The following SSC5D variants were observed in gnomAD, a reference collection of about 807,000 sequenced individuals.
SSC5D encodes the protein scavenger receptor cysteine rich family member with 5 domains, also known as soluble scavenger receptor cysteine-rich domain-containing protein SSC5D.
SSC5D carries 106 observed loss-of-function variants against 104.6 expected under a neutral mutation model. The ratio of observed to expected loss-of-function variants is 1.01; its 90% CI spans 0.87 to 1.19. SSC5D has a LOEUF of 1.19. SSC5D is among the 50% of genes most tolerant of loss of function. SSC5D has a pLI of 0.00. For synonymous variants in SSC5D, 860 were observed against 883.5 expected (o/e 0.97, Z 0.47); for missense variants, 1,993 against 2,153.8 (o/e 0.93, Z 1.48).
At position 55,518,303 on chromosome 19, in the gene SSC5D, A is replaced by G. The variant is rs140923834; in HGVS notation, c.4027A>G (p.Thr1343Ala). 495 of 1,507,562 alleles carry G rather than the reference A, an allele frequency of 3.3e-4. 6 individuals carry two copies. In the East Asian group the frequency reaches 0.013, roughly 41 times the overall value. The allele number at this position is 1,507,562 out of a possible 1,614,324, so 93.4% of individuals were successfully genotyped here. A position where few individuals can be genotyped will look rare whatever the true frequency, so the allele number is the denominator to read the frequency against. The change falls in exon 14 of 14, where the codon ACC becomes GCC. Residue 1343 changes from threonine (T) to alanine (A), a missense_variant. Thr to Ala is a moderately conservative substitution (Grantham distance 58). This residue lies in a region of SSC5D where 349 missense variants were observed against 397.6 expected (regional missense o/e 0.88). Transcript: ENST00000389623. ...TGTCATCACTACTGTGTCCCTTCCA[A>G]CCTCCTTGGGGACAGAACTCTCCTC... ...TPVITTVSLP[T>A]SLGTELSSPT...
At chr19:55,513,646 G>A (rs1987807140) in intron 13 of SSC5D, among the ~76,000 whole-genome samples, 1 of 152,208 alleles carries the variant, frequency 6.6e-6, no homozygotes, top group Non-Finnish European at 1.5e-5. Flanking sequence ...TTGCCCCCAA[G>A]GGGAATTTGG....
rs1421914539 is a variant in SSC5D, at chr19:55,513,026, A to T, written c.2801A>T (p.Tyr934Phe). ...RLPDTGSKDGYKLPWTWDTPS... is the reference protein window; with the variant it reads ...RLPDTGSKDGFKLPWTWDTPS... ...ATCTCTCTAGGCAGCAAAGATGGTT[A>T]CAAGCTTCCCTGGACGTGGGACACA... Residue 934 changes from tyrosine (Y) to phenylalanine (F), a missense_variant, in exon 13 of 14, where the codon TAC becomes TTC. Tyr to Phe is a conservative substitution (Grantham distance 22). This residue lies in a region of SSC5D where 423 missense variants were observed against 409.2 expected (regional missense o/e 1.03). Coordinates refer to ENST00000389623, the MANE Select transcript of SSC5D (RefSeq NM_001144950.2). The T allele has an allele frequency of 5.2e-6, 8 of 1,552,124 alleles. No individual in the cohort carries two copies. In the South Asian group the frequency reaches 9.5e-5, roughly 18 times the overall value.
Position 55,489,510 on chromosome 19 carries a change from C to CG in SSC5D, c.212dup (p.Gly72ArgfsTer55), listed in dbSNP as rs1987067380. 2.0e-6 allele frequency: 3 copies of CG among 1,466,464 alleles called. No homozygotes were observed. The East Asian group carries it at 7.6e-5, about 37-fold the overall frequency. 90.8% of individuals were successfully genotyped at this position (1,466,464 alleles called of 1,614,324 possible). On this transcript the variant is annotated frameshift_variant, in exon 3 of 14. Coordinates refer to ENST00000389623, the MANE Select transcript of SSC5D (RefSeq NM_001144950.2). LOFTEE classifies it high-confidence loss of function. ...GGCTGCGGAGGGGCACTGGCCGCCCCGGGAGGCGCCTTCTTCGGGGAGGGG... is the reference window on the plus strand; with the variant it reads ...GGCTGCGGAGGGGCACTGGCCGCCCCGGGGAGGCGCCTTCTTCGGGGAGGGG...
At chr19:55,493,098 G>GTGGCTCTCAGC (rs1489237929) in intron 6 of SSC5D, among the ~76,000 whole-genome samples, 2 of 152,156 alleles carry the variant, frequency 1.3e-5, no homozygotes, top group Non-Finnish European at 2.9e-5. Context: ...ATCTAGACTA[G>GTGGCTCTCAGC]TGGCTCTCAG....
chr19:55,501,441 T>C (rs973389964), intron 12 of SSC5D, among the ~76,000 whole-genome samples: 2 of 152,182 alleles, frequency 1.3e-5, no homozygotes, highest in African/African-American at 4.8e-5. Flanking sequence ...CCTGAGCCCA[T>C]GGCCCTCCTG....
intron 5 of SSC5D, among the ~76,000 whole-genome samples, 156 bp downstream of exon 5, chr19:55,490,564 G>A (rs556387062): frequency 6.6e-6 from 1 of 152,284 alleles, no homozygotes; most frequent in Non-Finnish European, 1.5e-5. Context: ...TAGACGGCCA[G>A]GCCTGGTCTC....
Position 55,490,935 on chromosome 19 carries a change from T to C in SSC5D, c.750T>C (p.Gly250=), listed in dbSNP as rs1452887973. The change falls in exon 6 of 14, where the codon GGT becomes GGC. Residue 250 remains glycine (G), a synonymous_variant. Coordinates refer to ENST00000389623, the MANE Select transcript of SSC5D (RefSeq NM_001144950.2). ...GCGGALAAPG[G]ARFGPGAGPV... ...GGGGGGCGCTGGCTGCCCCCGGCGG[T>C]GCCAGATTCGGGCCTGGTGCAGGGC... 16 of 1,544,310 alleles carry C rather than the reference T, an allele frequency of 1.0e-5. No homozygotes were observed. The highest frequency in any genetic ancestry group is 1.4e-5 in the Non-Finnish European group (16 of 1,143,730).
intron 12 of SSC5D, chr19:55,504,227 G>A: frequency 6.5e-7 from 1 of 1,530,702 alleles, no homozygotes; most frequent in Non-Finnish European, 8.7e-7. Flanking sequence ...CACGTGCCGG[G>A]CACAGCGGCT....
chr19:55,490,910 G>T lies in SSC5D; in HGVS notation c.725G>T (p.Gly242Val). ...AAVACRELGC[G>V]GALAAPGGAR... ...GTAGCCTGCCGGGAACTGGGCTGTG[G>T]GGGGGCGCTGGCTGCCCCCGGCGGT... Residue 242 changes from glycine (G) to valine (V), a missense_variant, in exon 6 of 14, where the codon GGG becomes GTG. By Grantham distance (109) the Gly-to-Val change is moderately radical (BLOSUM62 -3). This residue lies in a region of SSC5D where 1,101 missense variants were observed against 1,085.0 expected (regional missense o/e 1.01). Coordinates refer to ENST00000389623, the MANE Select transcript of SSC5D (RefSeq NM_001144950.2). 6.5e-7 allele frequency: 1 copy of T among 1,545,110 alleles called. No individual in the cohort carries two copies. Among genetic ancestry groups the T allele is most frequent in the Middle Eastern group, 1.7e-4 (1 of 5,962 alleles).
intron 12 of SSC5D, among the ~76,000 whole-genome samples, chr19:55,511,866 C>G (rs1987763600): frequency 6.6e-6 from 1 of 152,074 alleles, no homozygotes; most frequent in South Asian, 2.1e-4. Flanking sequence ...GCCAGGGTCT[C>G]AGGGGAAGTT....
At chr19:55,492,853 C>A (rs892430604) in intron 6 of SSC5D, 11 of 151,076 alleles carry the variant, frequency 7.3e-5, no homozygotes, top group African/African-American at 2.7e-4. Context: ...GACCCTTTCC[C>A]TACAAAATAT....
Position 55,491,085 on chromosome 19 carries a change from G to T in SSC5D, c.895+5G>T. ...ATGCGGGGCTGGTCTGCACCGGTAC[G>T]TCGGGCTGGGGCCTGGCCCCCTCCT... On this transcript the variant is annotated splice_donor_5th_base_variant and intron_variant, in intron 6 of 13. Transcript: ENST00000389623. 6.5e-7 allele frequency: 1 copy of T among 1,546,434 alleles called. No homozygotes were observed. Among genetic ancestry groups the T allele is most frequent in the Non-Finnish European group, 8.7e-7 (1 of 1,145,074 alleles).
intron 13 of SSC5D, among the ~76,000 whole-genome samples, chr19:55,515,131 C>T (rs376139674): frequency 7.9e-5 from 12 of 152,058 alleles, no homozygotes; most frequent in African/African-American, 2.7e-4. Context: ...TGGTGGCTCA[C>T]GCCTGAAATT....
At chr19:55,494,559 C>A (rs765345995) in intron 7 of SSC5D, 51 bp from the exon 8 acceptor site, 1 of 1,449,988 alleles carries the variant, frequency 6.9e-7, no homozygotes, top group African/African-American at 1.4e-5. Context: ...GGTGCCGGCT[C>A]CGGGATGGAG....
At chr19:55,512,365 CAA>C (rs374519949) in intron 12 of SSC5D, among the ~76,000 whole-genome samples, 1 of 132,768 alleles carries the variant, frequency 7.5e-6, no homozygotes, top group Non-Finnish European at 1.6e-5. Context: ...TGCATTTGGC[CAA>C]AAAAAAAAAA....
chr19:55,492,083 C>CGTA (rs1235655252), intron 6 of SSC5D: 1 of 152,446 alleles, frequency 6.6e-6, no homozygotes, highest in Non-Finnish European at 1.5e-5. Context: ...GCGCTGTGCA[C>CGTA]GTTACCTGGG....
In SSC5D at chr19:55,489,016, G is replaced by C; in HGVS notation, c.36G>C (p.Val12=). The change falls in exon 2 of 14, where the codon GTG becomes GTC. Residue 12 remains valine, a synonymous_variant. Coordinates refer to ENST00000389623, the MANE Select transcript of SSC5D (RefSeq NM_001144950.2). ...CGCCCTCCCTTCCAGCGGCCCTGGT[G>C]GGGATCCAGGCTGTTGGTAAGTGCC... ...RVLACLLAAL[V]GIQAVERLRL... is the part of the protein sequence containing the mutation. 6.7e-7 allele frequency: 1 copy of C among 1,502,556 alleles called. No individual in the cohort carries two copies. Among genetic ancestry groups the C allele is most frequent in the Non-Finnish European group, 8.9e-7 (1 of 1,126,404 alleles). The allele number at this position is 1,502,556 out of a possible 1,614,324, so 93.1% of individuals were successfully genotyped here.
intron 12 of SSC5D, among the ~76,000 whole-genome samples, chr19:55,506,079 A>G (rs948406699): frequency 1.3e-5 from 2 of 151,726 alleles, no homozygotes. Context: ...CACTTGGCTA[A>G]TCAGGATAAT....
At chr19:55,496,576 C>T (rs1475825394) in intron 8 of SSC5D, among the ~76,000 whole-genome samples, 1 of 152,106 alleles carries the variant, frequency 6.6e-6, no homozygotes, top group African/African-American at 2.4e-5. Flanking sequence ...CCAGGTGATG[C>T]TTACAGCCAC....
Sources: allele counts gnomAD v4.1 joint callset (sites outside exome capture counted in the v4.1 genomes callset), GRCh38; gene constraint gnomAD v4.1.1; regional missense constraint gnomAD v4.1.1; transcripts MANE v1.5; gene names NCBI Gene and HGNC (gene_info 2026-07-23, HGNC 2026-07-21).